The following DMD variants were observed in gnomAD, a reference collection of about 807,000 sequenced individuals.
DMD encodes dystrophin, also known as mutant dystrophin.
A neutral mutation model predicts 330.1 loss-of-function variants in DMD; 63 were observed. The ratio of observed to expected loss-of-function variants is 0.19; its 90% CI spans 0.16 to 0.24. The LOEUF (loss-of-function observed/expected upper bound fraction) is 0.24. Among genes scored for constraint, DMD ranks in the 10% least tolerant of loss-of-function variants. The pLI is 1.00. For synonymous variants in DMD, 1,223 were observed against 959.8 expected (o/e 1.27, Z -5.07); for missense variants, 3,344 against 2,684.1 (o/e 1.25, Z -5.43).
intron 11 of DMD, among the ~76,000 whole-genome samples, chrX:32,637,132 T>C (rs2059154957): frequency 8.9e-6 from 1 of 111,865 alleles, no homozygotes; most frequent in South Asian, 3.7e-4. Flanking sequence ...CAAGGACAAA[T>C]ATGAATATAT....
intron 44 of DMD, among the ~76,000 whole-genome samples, chrX:32,067,441 T>A (rs778529988): frequency 6.4e-4 from 71 of 111,015 alleles, no homozygotes; most frequent in Non-Finnish European, 1.3e-3. Flanking sequence ...GGGATACAAA[T>A]GATCCCATTA....
chrX:32,826,990 T>G lies in DMD; in HGVS notation c.265-3603A>C, dbSNP rs187434802. On this transcript the variant is annotated intron_variant, in intron 4 of 78. Coordinates refer to ENST00000357033, the MANE Select transcript of DMD (RefSeq NM_004006.3). The stretch of plus-strand genomic sequence containing the variant: ...CTAATTAAAAAATAAAAAATAGTTA[T>G]ATGGTAAATTTTACATCATTTGTAT... Among the ~76,000 whole-genome samples the G allele has an allele frequency of 7.0e-3, 757 of 108,521 alleles. 9 individuals carry two copies. Among genetic ancestry groups the G allele is most frequent in the African/African-American group, 0.025 (731 of 29,472 alleles). 94.2% of individuals were successfully genotyped at this position (108,521 alleles called of 115,157 possible).
intron 16 of DMD, among the ~76,000 whole-genome samples, chrX:32,563,146 C>A (rs1022075063): frequency 9.1e-6 from 1 of 109,602 alleles, no homozygotes; most frequent in African/African-American, 3.3e-5. Context: ...CGAGACCACC[C>A]TGGCCAACAT....
intron 48 of DMD, among the ~76,000 whole-genome samples, chrX:31,863,058 T>C (rs2093735226): frequency 8.9e-6 from 1 of 112,726 alleles, no homozygotes; most frequent in Admixed American, 9.3e-5. Context: ...AAACAGCATG[T>C]TGCGGCCGGG....
chrX:32,768,467 C>T (rs1047201516), intron 7 of DMD, among the ~76,000 whole-genome samples: 42 of 112,070 alleles, frequency 3.7e-4, no homozygotes, highest in African/African-American at 1.3e-3. Context: ...ACAAATTGAA[C>T]ACTTTTCAGC....
chrX:32,767,152 G>T (rs765123448), intron 7 of DMD, among the ~76,000 whole-genome samples: 3 of 111,090 alleles, frequency 2.7e-5, no homozygotes, highest in Non-Finnish European at 5.7e-5. Context: ...GAAGCTAAAG[G>T]CACCTAGTAT....
At chrX:32,159,111 C>A (rs1283442985) in intron 44 of DMD, among the ~76,000 whole-genome samples, 1 of 112,320 alleles carries the variant, frequency 8.9e-6, no homozygotes, top group African/African-American at 3.2e-5. Context: ...AAAGACCAAT[C>A]TTAAACCAAG....
Position 32,807,130 on chromosome X carries a change from A to AC in DMD, c.649+2362_649+2363insG, listed in dbSNP as rs1211424732. On this transcript the variant is annotated intron_variant, in intron 7 of 78. Transcript: ENST00000357033. ...AAGGAGACGGAAACATTTAAAAAAA[A>AC]AAAAAAAAAAAAAAAAAAACATCAA... Among the ~76,000 whole-genome samples, 116 of 102,559 alleles carry AC rather than the reference A, an allele frequency of 1.1e-3. 1 individual carries two copies. In the East Asian group the frequency reaches 0.03, roughly 27 times the overall value. The allele number at this position is 102,559 out of a possible 115,157, so 89.1% of individuals were successfully genotyped here.
intron 55 of DMD, among the ~76,000 whole-genome samples, chrX:31,573,359 G>C (rs2147964750): frequency 9.0e-6 from 1 of 111,676 alleles, no homozygotes; most frequent in Non-Finnish European, 1.9e-5. Flanking sequence ...CTCAGATATT[G>C]GCAATCCTAT....
chrX:31,725,233 ATTT>A (rs199929150), intron 52 of DMD, among the ~76,000 whole-genome samples: 15,171 of 110,607 alleles, frequency 0.14, 1,019 homozygotes, highest in Admixed American at 0.24. Flanking sequence ...GGGAGTAGTA[ATTT>A]TATCTACCTA....
In DMD at chrX:31,920,438, T is replaced by C. The variant is rs1053519872; in HGVS notation, c.6912+9158A>G. 4.5e-5 allele frequency among the ~76,000 whole-genome samples: 5 copies of C among 112,251 alleles called. No individual in the cohort carries two copies. The East Asian group carries it at 1.4e-3, about 31-fold the overall frequency. On this transcript the variant is annotated intron_variant, in intron 47 of 78. Coordinates refer to ENST00000357033, the MANE Select transcript of DMD (RefSeq NM_004006.3). ...ATATGAAAACTTCCATTTAATATCA[T>C]TTCACGATTATTAAATTATTAGAAA...
chrX:32,139,094 C>T (rs1384219609), intron 44 of DMD, among the ~76,000 whole-genome samples: 1 of 112,227 alleles, frequency 8.9e-6, no homozygotes, highest in Non-Finnish European at 1.9e-5. Flanking sequence ...ATACACTTCA[C>T]ATTTTCCAGA....
Position 32,256,109 on chromosome X carries a change from G to A in DMD, c.6290+31420C>T, listed in dbSNP as rs112399220. ...AAAGTCTCTCACTATTACTGTGTAG[G>A]AGTGTAAGTCTCTTTGTAGGTCTCT... On this transcript the variant is annotated intron_variant, in intron 43 of 78. Transcript: ENST00000357033. 9.3e-3 allele frequency among the ~76,000 whole-genome samples: 1,037 copies of A among 111,463 alleles called. 5 individuals are homozygous for A. Among genetic ancestry groups the A allele is most frequent in the South Asian group, 0.018 (47 of 2,655 alleles).
At chrX:31,888,327 G>T (rs1263685223) in intron 47 of DMD, among the ~76,000 whole-genome samples, 1 of 111,052 alleles carries the variant, frequency 9.0e-6, no homozygotes, top group Non-Finnish European at 1.9e-5. Context: ...GCCCTGTATT[G>T]CTTCTGTAGT....
At chrX:32,185,764 A>G (rs189414651) in intron 44 of DMD, among the ~76,000 whole-genome samples, 1 of 111,037 alleles carries the variant, frequency 9.0e-6, no homozygotes, top group African/African-American at 3.3e-5. Flanking sequence ...TAGCACAGAC[A>G]CATCCAAAAA....
rs777347376 is a variant in DMD at position 32,287,519 on chromosome X, T to C, written c.6290+10A>G. 1 of 1,205,318 alleles carries C rather than the reference T, an allele frequency of 8.3e-7. No individual in the cohort carries two copies. Among genetic ancestry groups the C allele is most frequent in the African/African-American group, 1.8e-5 (1 of 56,945 alleles). On this transcript the variant is annotated intron_variant, in intron 43 of 78. Coordinates refer to ENST00000357033, the MANE Select transcript of DMD (RefSeq NM_004006.3). ...CTGCAAGTATCAAGAAAAATATATG[T>C]GTTACCTACCCTTGTCGGTCCTTGT...
At chrX:31,578,808 T>A (rs1231947066) in intron 55 of DMD, among the ~76,000 whole-genome samples, 1 of 112,275 alleles carries the variant, frequency 8.9e-6, no homozygotes, top group Admixed American at 9.4e-5. Context: ...CAATTGCTAT[T>A]TATTTAACTT....
In DMD at chrX:32,995,350, T is replaced by C. The variant is rs771175955; in HGVS notation, c.93+24789A>G. On this transcript the variant is annotated intron_variant, in intron 2 of 78. Coordinates refer to ENST00000357033, the MANE Select transcript of DMD (RefSeq NM_004006.3). ...AAAATTCCTAGTTATGTGATTTTGC[T>C]AACAGGCATATTTTTCATGGAACAA... is the stretch of plus-strand genomic sequence containing the variant. Among the ~76,000 whole-genome samples the C allele has an allele frequency of 2.1e-4, 24 of 112,442 alleles. No individual in the cohort carries two copies. In the South Asian group the frequency reaches 8.1e-3, roughly 38 times the overall value.
At chrX:32,966,752 G>A (rs187969566) in intron 2 of DMD, among the ~76,000 whole-genome samples, 344 of 111,716 alleles carry the variant, frequency 3.1e-3, no homozygotes, top group Non-Finnish European at 4.5e-3. Flanking sequence ...TATCATTAGC[G>A]TAGCTGATAG....
Sources: gnomAD v4.1 joint callset for allele counts (sites outside exome capture counted in the v4.1 genomes callset) on GRCh38, gnomAD v4.1.1 for gene constraint, MANE v1.5 for transcripts, NCBI Gene and HGNC (gene_info 2026-07-23, HGNC 2026-07-21) for gene names.